The following BTBD7 variants were observed in gnomAD, a reference collection of about 807,000 sequenced individuals.
BTBD7 encodes BTB domain containing 7.
In BTBD7, 38 loss-of-function variants were observed where a neutral mutation model predicts 99.9. The ratio of observed to expected loss-of-function variants is 0.38; its 90% CI spans 0.29 to 0.50. BTBD7 has a LOEUF of 0.50. Ranked by LOEUF, BTBD7 falls within the 20% of genes least tolerant of loss-of-function variation. BTBD7 has a pLI of 0.93. For missense variants in BTBD7, 1,170 were observed against 1,394.6 expected, an observed-to-expected ratio of 0.84 and a Z score of 2.57; for synonymous variants, 520 against 511.4, an observed-to-expected ratio of 1.02 and a Z score of -0.23.
Position 93,239,437 on chromosome 14 carries a change from A to G in BTBD7, c.*2836T>C, listed in dbSNP as rs1356358799. 6.6e-6 allele frequency: 1 copy of G among 150,760 alleles called. No individual in the cohort carries two copies. The highest frequency in any genetic ancestry group is 1.9e-4 in the East Asian group (1 of 5,170). 9.3% of individuals were successfully genotyped at this position (150,760 alleles called of 1,614,324 possible). ...GTTCCCATGGCCTAAATTTTATTTT[A>G]TATATATATATGCTTTTTTTTTTTT... On this transcript the variant is annotated 3_prime_UTR_variant, in exon 11 of 11. Coordinates refer to ENST00000334746, the MANE Select transcript of BTBD7 (RefSeq NM_001002860.4).
chr14:93,295,891 T>C, intron 2 of BTBD7, 79 bp downstream of exon 2: 1 of 1,317,978 alleles, frequency 7.6e-7, no homozygotes, highest in East Asian at 2.4e-5. Context: ...TCACTTCTTT[T>C]GTCATCTACA....
intron 3 of BTBD7, among the ~76,000 whole-genome samples, chr14:93,279,423 C>CT (rs1244099617): frequency 2.4e-4 from 37 of 152,278 alleles, no homozygotes; most frequent in African/African-American, 8.4e-4. Context: ...ATATGTCCTC[C>CT]TGCCCTCCCC....
chr14:93,321,599 A>G lies in BTBD7; in HGVS notation c.-107+11221T>C, dbSNP rs61991744. On this transcript the variant is annotated intron_variant, in intron 1 of 10. Transcript: ENST00000334746. Reference sequence around the variant, plus strand: ...CAGAGCAAGACTCCGTCACAAACAAACAAGCAAACAATACCCCAAAGGTGC... The same window carrying G: ...CAGAGCAAGACTCCGTCACAAACAAGCAAGCAAACAATACCCCAAAGGTGC... Among the ~76,000 whole-genome samples, 137 of 152,282 alleles carry G rather than the reference A, an allele frequency of 9.0e-4. 1 individual carries two copies. Among genetic ancestry groups the G allele is most frequent in the Non-Finnish European group, 1.4e-3 (98 of 68,010 alleles).
At chr14:93,271,777 G>T (rs2052603700) in intron 3 of BTBD7, among the ~76,000 whole-genome samples, 1 of 152,090 alleles carries the variant, frequency 6.6e-6, no homozygotes, top group African/African-American at 2.4e-5. Flanking sequence ...GGCCAAGACG[G>T]GCGGATCGTT....
intron 3 of BTBD7, among the ~76,000 whole-genome samples, chr14:93,284,686 C>T (rs1425769618): frequency 1.3e-5 from 2 of 151,986 alleles, no homozygotes; most frequent in Non-Finnish European, 2.9e-5. Context: ...AGATATAAAA[C>T]CCTAAGAACA....
At chr14:93,323,751 T>C (rs114774672) in intron 1 of BTBD7, among the ~76,000 whole-genome samples, 2,560 of 152,324 alleles carry the variant, frequency 0.017, 79 homozygotes, top group African/African-American at 0.059. Flanking sequence ...CAATGTCTGA[T>C]CTCACTGGTT....
intron 1 of BTBD7, among the ~76,000 whole-genome samples, chr14:93,300,949 A>AG (rs931353955): frequency 6.6e-6 from 1 of 151,798 alleles, no homozygotes; most frequent in Non-Finnish European, 1.5e-5. Context: ...TAATCTACAG[A>AG]GGGGAAAAAA....
chr14:93,305,378 T>C (rs746608373), intron 1 of BTBD7, among the ~76,000 whole-genome samples: 6 of 152,198 alleles, frequency 3.9e-5, no homozygotes, highest in Non-Finnish European at 7.3e-5. Context: ...TAGTGGTCCT[T>C]GTAAAAGAAG....
At chr14:93,291,800 A>G (rs1209469885) in intron 3 of BTBD7, among the ~76,000 whole-genome samples, 1 of 150,380 alleles carries the variant, frequency 6.6e-6, no homozygotes. Context: ...AAAAAAAAAA[A>G]AAGAGAAATT....
At chr14:93,295,485 T>G (rs925198594) in intron 2 of BTBD7, among the ~76,000 whole-genome samples, 1 of 152,144 alleles carries the variant, frequency 6.6e-6, no homozygotes, top group African/African-American at 2.4e-5. Context: ...TAGTCTAAAT[T>G]TTTTTAGAAA....
intron 3 of BTBD7, among the ~76,000 whole-genome samples, chr14:93,265,320 TGAG>T (rs1429682474): frequency 6.6e-6 from 1 of 152,146 alleles, no homozygotes; most frequent in East Asian, 1.9e-4. Context: ...CGCTACCAGA[TGAG>T]GAGAAATATC....
chr14:93,274,813 G>A (rs1404608602), intron 3 of BTBD7, among the ~76,000 whole-genome samples: 3 of 152,196 alleles, frequency 2.0e-5, no homozygotes, highest in Admixed American at 2.0e-4. Flanking sequence ...TCTAAAAGAA[G>A]TAATGTTATT....
At chr14:93,309,644 T>C (rs1351095207) in intron 1 of BTBD7, among the ~76,000 whole-genome samples, 2 of 152,110 alleles carry the variant, frequency 1.3e-5, no homozygotes, top group Non-Finnish European at 2.9e-5. Context: ...CTCCAGTTTC[T>C]ACTTTATCAC....
intron 1 of BTBD7, among the ~76,000 whole-genome samples, chr14:93,302,268 A>G (rs2053013747): frequency 6.6e-6 from 1 of 152,220 alleles, no homozygotes; most frequent in South Asian, 2.1e-4. Context: ...TTGTATGACT[A>G]AAGCCTTGGG....
intron 1 of BTBD7, among the ~76,000 whole-genome samples, chr14:93,323,982 AGAG>A (rs2053299314): frequency 6.6e-6 from 1 of 152,260 alleles, no homozygotes; most frequent in African/African-American, 2.4e-5. Flanking sequence ...ACAGTCATGT[AGAG>A]GAGTCAGGCA....
rs148857437 is a variant in BTBD7 at position 93,320,436 on chromosome 14, C to A, written c.-107+12384G>T. Among the ~76,000 whole-genome samples, 344 of 152,214 alleles carry A rather than the reference C, an allele frequency of 2.3e-3. 1 individual carries two copies. The highest frequency in any genetic ancestry group is 3.4e-3 in the Middle Eastern group (1 of 294). On this transcript the variant is annotated intron_variant, in intron 1 of 10. Coordinates refer to ENST00000334746, the MANE Select transcript of BTBD7 (RefSeq NM_001002860.4). ...CTCCACAACAAAGAATTACCTGGCC[C>A]CAAATGTCAAGAGTGCCAAGGTTGA...
In BTBD7 at chr14:93,329,907, G is replaced by A. The variant is rs574639331; in HGVS notation, c.-107+2913C>T. ...GGCATGGCTACACAACAATGTAAAT[G>A]TACTTATGCCACAGAACTATACACT... On this transcript the variant is annotated intron_variant, in intron 1 of 10. Coordinates refer to ENST00000334746, the MANE Select transcript of BTBD7 (RefSeq NM_001002860.4). 2.6e-5 allele frequency among the ~76,000 whole-genome samples: 4 copies of A among 152,284 alleles called. No homozygotes were observed. The East Asian group carries it at 7.7e-4, about 29-fold the overall frequency.
intron 1 of BTBD7, among the ~76,000 whole-genome samples, chr14:93,329,548 A>T (rs1046365258): frequency 1.3e-5 from 2 of 152,358 alleles, no homozygotes; most frequent in African/African-American, 4.8e-5. Context: ...GATGCAACTT[A>T]AGTGCCCATT....
Position 93,242,596 on chromosome 14 carries a change from G to A in BTBD7, c.3076C>T (p.His1026Tyr), listed in dbSNP as rs201912928. Residue 1026 changes from histidine to tyrosine, a missense_variant, in exon 11 of 11, where the codon CAC becomes TAC. Coordinates refer to ENST00000334746, the MANE Select transcript of BTBD7 (RefSeq NM_001002860.4). The stretch of plus-strand genomic sequence containing the variant: ...GGAGGTTGCTCAACGACATCCAGGT[G>A]TATCGGCTCATTCTTTTGTCTGTGT... ...HLHRQKNEPI[H>Y]LDVVEQPPQR... The A allele has an allele frequency of 1.1e-4, 173 of 1,614,116 alleles. No individual in the cohort carries two copies. The highest frequency in any genetic ancestry group is 1.3e-4 in the Non-Finnish European group (151 of 1,180,052).
Sources: allele counts gnomAD v4.1 joint callset (sites outside exome capture counted in the v4.1 genomes callset), GRCh38; gene constraint gnomAD v4.1.1; transcripts MANE v1.5; gene names NCBI Gene and HGNC (gene_info 2026-07-23, HGNC 2026-07-21).